The following TTC34 variants were observed in gnomAD, a reference collection of about 807,000 sequenced individuals.
The protein encoded by TTC34 is tetratricopeptide repeat protein 34.
TTC34 carries 44 observed loss-of-function variants against 40.7 expected under a neutral mutation model. The observed-to-expected ratio is 1.08, with a 90% confidence interval of 0.85 to 1.39. The LOEUF (loss-of-function observed/expected upper bound fraction) is 1.39. TTC34 is among the 40% of genes most tolerant of loss of function. TTC34 has a pLI of 0.00. For missense variants in TTC34, 884 were observed against 838.0 expected (o/e 1.05, Z -0.68); for synonymous variants, 422 against 398.6 (o/e 1.06, Z -0.70).
rs1365625557 is a variant in TTC34, at chr1:2,748,602, C to T, written c.2226+35007G>A. On this transcript the variant is annotated intron_variant, in intron 6 of 8. Coordinates refer to ENST00000401095, the Ensembl canonical transcript of TTC34. ...GACAGCCTGGAGCAGCACCCACACC[C>T]CCAGGTGAGCATCTGACAGCCTGGA... 8.7e-3 allele frequency among the ~76,000 whole-genome samples: 104 copies of T among 11,906 alleles called. 1 individual carries two copies. The highest frequency in any genetic ancestry group is 0.014 in the South Asian group (5 of 366). The allele number at this position is 11,906 out of a possible 152,430, so 7.8% of individuals were successfully genotyped here. A position where few individuals can be genotyped will look rare whatever the true frequency, so the allele number is the denominator to read the frequency against.
intron 6 of TTC34, among the ~76,000 whole-genome samples, chr1:2,756,887 G>T (rs1641524820): frequency 6.6e-6 from 1 of 151,956 alleles, no homozygotes; most frequent in East Asian, 1.9e-4. Context: ...GCATCTGATG[G>T]TCTGGAGCAG....
chr1:2,685,979 T>C (rs1458069812), intron 6 of TTC34, among the ~76,000 whole-genome samples: 5 of 12,714 alleles, frequency 3.9e-4, no homozygotes, highest in Middle Eastern at 0.029. Flanking sequence ...AGCATCTGAC[T>C]GCATGTATCA....
intron 6 of TTC34, among the ~76,000 whole-genome samples, chr1:2,655,627 T>C (rs1282291676): frequency 2.4e-4 from 36 of 150,940 alleles, no homozygotes; most frequent in African/African-American, 6.9e-4. Flanking sequence ...CAAGTGAGCA[T>C]CTGACAGCCT....
intron 6 of TTC34, among the ~76,000 whole-genome samples, chr1:2,690,133 C>T (rs1445209549): frequency 7.3e-5 from 11 of 150,816 alleles, no homozygotes; most frequent in African/African-American, 2.7e-4. Context: ...GGAACAGCAC[C>T]CACACCCCAA....
chr1:2,784,716 C>CAA (rs1347406576), intron 5 of TTC34, among the ~76,000 whole-genome samples: 2 of 152,174 alleles, frequency 1.3e-5, no homozygotes, highest in Admixed American at 1.3e-4. Flanking sequence ...AGTAATGCAA[C>CAA]AAAAAGTAAT....
intron 2 of TTC34, among the ~76,000 whole-genome samples, chr1:2,791,110 AC>A (rs1415508671): frequency 3.1e-5 from 4 of 130,512 alleles, no homozygotes; most frequent in African/African-American, 1.1e-4. Flanking sequence ...CCCCACCCCC[AC>A]TCCCCCAGCA....
At chr1:2,760,977 T>C (rs1641669219) in intron 6 of TTC34, among the ~76,000 whole-genome samples, 1 of 67,768 alleles carries the variant, frequency 1.5e-5, no homozygotes, top group Non-Finnish European at 2.5e-5. Flanking sequence ...CAGGTGAGCA[T>C]CTGATAGCCT....
In TTC34 at chr1:2,645,587, G is replaced by GGGCCCC; in HGVS notation, c.2227-25_2227-24insGGGGCC. On this transcript the variant is annotated intron_variant, in intron 6 of 8. Coordinates refer to ENST00000401095, the Ensembl canonical transcript of TTC34. The surrounding 1 kb of genome is among the most constrained non-coding windows in gnomAD (Gnocchi z 4.7). ...TCCTGCAAGGAGGGAGGGCGGGCGG[G>GGGCCCC]TGCAGAGTTGTCCTAAGTAGAGAAA... The GGGCCCC allele has an allele frequency of 4.4e-6, 1 of 229,524 alleles. No homozygotes were observed. Among genetic ancestry groups the GGGCCCC allele is most frequent in the East Asian group, 1.3e-4 (1 of 7,780 alleles). The allele number at this position is 229,524 out of a possible 1,614,324, so 14.2% of individuals were successfully genotyped here.
chr1:2,699,469 T>C (rs1377033533), intron 6 of TTC34, among the ~76,000 whole-genome samples: 4 of 93,406 alleles, frequency 4.3e-5, no homozygotes, highest in Admixed American at 2.5e-4. Context: ...GGCGAGCATC[T>C]GACAGCCTGG....
intron 1 of TTC34, among the ~76,000 whole-genome samples, 196 bp from the exon 2 acceptor site, chr1:2,801,064 C>T (rs992401373): frequency 6.6e-6 from 1 of 152,160 alleles, no homozygotes. Flanking sequence ...CAACTTCCAG[C>T]CCACTGTTCA....
exon 5 of TTC34, chr1:2,786,012 C>A: frequency 6.8e-7 from 1 of 1,469,486 alleles, no homozygotes; most frequent in Non-Finnish European, 9.1e-7. Context: ...ACTGGACCAG[C>A]TTCTTCACCA....
chr1:2,752,894 C>G (rs1202500237), intron 6 of TTC34, among the ~76,000 whole-genome samples: 4 of 147,292 alleles, frequency 2.7e-5, no homozygotes, highest in Non-Finnish European at 4.5e-5. Flanking sequence ...GGCACCCACA[C>G]CCCCAGGTGA....
At chr1:2,676,957 A>T (rs1028386709) in intron 6 of TTC34, among the ~76,000 whole-genome samples, 2 of 147,426 alleles carry the variant, frequency 1.4e-5, no homozygotes, top group Admixed American at 6.7e-5. Flanking sequence ...AGCATGGAAC[A>T]GCACCCTGCA....
exon 9 of TTC34, chr1:2,641,723 T>A (rs1325805723): frequency 6.5e-7 from 1 of 1,535,314 alleles, no homozygotes. Flanking sequence ...CTGGAGCACA[T>A]GGTCCAGGTC....
intron 8 of TTC34, among the ~76,000 whole-genome samples, chr1:2,643,619 C>T (rs1638958529): frequency 6.6e-6 from 1 of 152,178 alleles, no homozygotes; most frequent in African/African-American, 2.4e-5. Context: ...CCTCTAGGTC[C>T]CGATAACCCA....
In TTC34 at chr1:2,787,708, T is replaced by C. The variant is rs1296574443; in HGVS notation, c.1629-2A>G. 10 of 1,536,504 alleles carry C rather than the reference T, an allele frequency of 6.5e-6. 1 individual carries two copies. The South Asian group carries it at 1.2e-4, about 19-fold the overall frequency. ...AGCTGGTGCACGCCGCAGGCGACCC[T>C]GTGTGGAGATCAGCTCAGGGGGGCA... On this transcript the variant is annotated splice_acceptor_variant, in intron 3 of 8. Coordinates refer to ENST00000401095, the Ensembl canonical transcript of TTC34. LOFTEE classifies it high-confidence loss of function.
intron 6 of TTC34, among the ~76,000 whole-genome samples, chr1:2,685,344 G>T (rs75523992): frequency 0.35 from 46,242 of 132,188 alleles, 9,017 homozygotes; most frequent in Middle Eastern, 0.44. Flanking sequence ...TGACAGCCTG[G>T]AACGGCACCC....
At chr1:2,660,471 C>A in intron 6 of TTC34, among the ~76,000 whole-genome samples, 1 of 64,338 alleles carries the variant, frequency 1.6e-5, no homozygotes, top group African/African-American at 4.0e-5. Context: ...GCGCCCACAG[C>A]CACAGGCGAG....
At chr1:2,699,000 G>GT (rs1325418862) in intron 6 of TTC34, among the ~76,000 whole-genome samples, 1 of 84,156 alleles carries the variant, frequency 1.2e-5, no homozygotes, top group South Asian at 3.4e-4. Flanking sequence ...AGCCTGGAAA[G>GT]GCACCCACAC....
Sources: gnomAD v4.1 joint callset for allele counts (sites outside exome capture counted in the v4.1 genomes callset) on GRCh38, gnomAD v4.1.1 for gene constraint, Gnocchi (gnomAD v3.1) non-coding constraint, MANE v1.5 for transcripts, NCBI Gene and HGNC (gene_info 2026-07-23, HGNC 2026-07-21) for gene names.